KIAA1549L: variants seen among roughly 807,000 people sequenced by gnomAD.
The protein encoded by KIAA1549L is UPF0606 protein KIAA1549L.
In KIAA1549L, 88 loss-of-function variants were observed where a neutral mutation model predicts 160.7. That is an observed-to-expected ratio of 0.55 (90% confidence interval 0.46 to 0.65). The LOEUF is 0.65. KIAA1549L is among the 30% of genes least tolerant of loss of function. The pLI is 0.00. For missense variants in KIAA1549L, 2,258 were observed against 2,437.5 expected (o/e 0.93, Z 1.55); for synonymous variants, 950 against 976.7 (o/e 0.97, Z 0.51).
chr11:33,502,372 T>C (rs1337583151), intron 1 of KIAA1549L, among the ~76,000 whole-genome samples: 1 of 152,318 alleles, frequency 6.6e-6, no homozygotes, highest in East Asian at 1.9e-4. Context: ...CGAAAGCTTT[T>C]AACACCTCTC....
At chr11:33,419,349 A>G (rs1188571792) in intron 1 of KIAA1549L, among the ~76,000 whole-genome samples, 2 of 152,156 alleles carry the variant, frequency 1.3e-5, no homozygotes, top group African/African-American at 4.8e-5. Flanking sequence ...TTATCAGCCA[A>G]TCTTTATACT....
intron 1 of KIAA1549L, among the ~76,000 whole-genome samples, chr11:33,394,930 C>T (rs1850343835): frequency 1.3e-5 from 2 of 152,192 alleles, no homozygotes; most frequent in Non-Finnish European, 2.9e-5. Flanking sequence ...ATTCTGTGCA[C>T]ATTCCATGGG....
In KIAA1549L at chr11:33,618,744, G is replaced by C. The variant is rs1025322928; in HGVS notation, c.5409+82G>C. The C allele has an allele frequency of 1.4e-4, 178 of 1,242,014 alleles. 2 individuals carry two copies. The highest frequency in any genetic ancestry group is 5.4e-4 in the Middle Eastern group (2 of 3,710). The allele number at this position is 1,242,014 out of a possible 1,614,324, so 76.9% of individuals were successfully genotyped here. ...GGATAGGGCATCCCACTGTGTTTTGGTTTACCACATATTTGTGGAATTTTA... is the reference window on the plus strand; with the variant it reads ...GGATAGGGCATCCCACTGTGTTTTGCTTTACCACATATTTGTGGAATTTTA... On this transcript the variant is annotated intron_variant, in intron 16 of 20. Coordinates refer to ENST00000658780, the MANE Select transcript of KIAA1549L (RefSeq NM_012194.3).
chr11:33,474,928 G>A (rs1852253330), intron 1 of KIAA1549L, among the ~76,000 whole-genome samples: 1 of 152,302 alleles, frequency 6.6e-6, no homozygotes, highest in South Asian at 2.1e-4. Flanking sequence ...TAATTAAGGA[G>A]GGCTGCAATA....
At position 33,407,208 on chromosome 11, in the gene KIAA1549L, C is replaced by T. The variant is rs527611474; in HGVS notation, c.238+30319C>T. ...CACGCCATTCTCCTGCCTCAGCCTC[C>T]CGAGTAGCTGGGACTACAGGCGCCT... On this transcript the variant is annotated intron_variant, in intron 1 of 20. Transcript: ENST00000658780. Among the ~76,000 whole-genome samples, 71 of 151,104 alleles carry T rather than the reference C, an allele frequency of 4.7e-4. 1 individual carries two copies. In the South Asian group the frequency reaches 0.013, roughly 27 times the overall value.
At chr11:33,593,424 G>T (rs1850114884) in intron 12 of KIAA1549L, among the ~76,000 whole-genome samples, 1 of 152,202 alleles carries the variant, frequency 6.6e-6, no homozygotes, top group Admixed American at 6.5e-5. Context: ...GGATGACAGA[G>T]TGAGGGCTTG....
chr11:33,459,210 A>G (rs1051846566), intron 1 of KIAA1549L, among the ~76,000 whole-genome samples: 1 of 152,220 alleles, frequency 6.6e-6, no homozygotes, highest in Non-Finnish European at 1.5e-5. Context: ...TAGCCCAGAC[A>G]CTGCTGTTTT....
intron 1 of KIAA1549L, among the ~76,000 whole-genome samples, chr11:33,379,206 G>C (rs1008690108): frequency 2.6e-5 from 4 of 152,172 alleles, no homozygotes; most frequent in Non-Finnish European, 5.9e-5. Context: ...ACATAGATTT[G>C]TTTCTGGAAA....
intron 1 of KIAA1549L, among the ~76,000 whole-genome samples, chr11:33,478,735 A>T (rs1852346132): frequency 6.6e-6 from 1 of 152,082 alleles, no homozygotes; most frequent in African/African-American, 2.4e-5. Context: ...TTATTTTTTT[A>T]AATTATTATT....
At chr11:33,406,112 T>C (rs1850645408) in intron 1 of KIAA1549L, among the ~76,000 whole-genome samples, 1 of 152,206 alleles carries the variant, frequency 6.6e-6, no homozygotes, top group Non-Finnish European at 1.5e-5. Flanking sequence ...GCCACTGTGA[T>C]GAGCCTCCCT....
intron 1 of KIAA1549L, among the ~76,000 whole-genome samples, chr11:33,445,462 G>A (rs990072135): frequency 6.6e-6 from 1 of 152,212 alleles, no homozygotes; most frequent in Admixed American, 6.5e-5. Context: ...GTTATTGAAA[G>A]GATTTGTAAT....
intron 17 of KIAA1549L, among the ~76,000 whole-genome samples, chr11:33,652,669 A>G (rs1245598135): frequency 6.6e-6 from 1 of 152,226 alleles, no homozygotes; most frequent in Non-Finnish European, 1.5e-5. Context: ...GCCAGAAGAG[A>G]GAAGAGGGGC....
intron 19 of KIAA1549L, among the ~76,000 whole-genome samples, 162 bp from the exon 20 acceptor site, chr11:33,660,701 C>T (rs878916060): frequency 2.0e-5 from 3 of 152,254 alleles, no homozygotes; most frequent in South Asian, 4.1e-4. Context: ...GCAAATGTTA[C>T]AGCCCAGAGC....
chr11:33,629,580 C>T (rs937911838), intron 16 of KIAA1549L, among the ~76,000 whole-genome samples: 5 of 151,666 alleles, frequency 3.3e-5, no homozygotes, highest in East Asian at 3.9e-4. Flanking sequence ...TTGATCACAT[C>T]GGCTCCTGAG....
At position 33,543,730 on chromosome 11, in the gene KIAA1549L, G is replaced by A. The variant is rs1055762211; in HGVS notation, c.2167G>A (p.Asp723Asn). Residue 723 changes from aspartate (D) to asparagine (N), a missense_variant, in exon 2 of 21, where the codon GAT becomes AAT. Physicochemically the swap from Asp to Asn is conservative, Grantham distance 23. Transcript: ENST00000658780. ...TGGCTTGCAGCAGCAAACAAATTAT[G>A]ATTTAAATGGACACACAATTAGCAC... ...ISGLQQQTNYDLNGHTISTTS... is the reference protein window; with the variant it reads ...ISGLQQQTNYNLNGHTISTTS... 2 of 1,614,004 alleles carry A rather than the reference G, an allele frequency of 1.2e-6. No individual in the cohort carries two copies. The highest frequency in any genetic ancestry group is 1.7e-6 in the Non-Finnish European group (2 of 1,179,892).
intron 1 of KIAA1549L, among the ~76,000 whole-genome samples, chr11:33,494,870 ATGAT>A (rs1852777959): frequency 6.6e-6 from 1 of 152,174 alleles, no homozygotes; most frequent in African/African-American, 2.4e-5. Flanking sequence ...GGTCCATGCT[ATGAT>A]TGATTTATTT....
At chr11:33,449,333 A>T (rs542009810) in intron 1 of KIAA1549L, among the ~76,000 whole-genome samples, 3 of 151,358 alleles carry the variant, frequency 2.0e-5, no homozygotes, top group Admixed American at 1.3e-4. Context: ...TTTAGTGTCT[A>T]TTATGGTGGA....
chr11:33,485,370 C>T (rs1456473159), intron 1 of KIAA1549L, among the ~76,000 whole-genome samples: 1 of 152,070 alleles, frequency 6.6e-6, no homozygotes, highest in Non-Finnish European at 1.5e-5. Context: ...TTTTGACATT[C>T]CAAAAGATGT....
At chr11:33,516,766 A>G (rs1195881355) in intron 1 of KIAA1549L, among the ~76,000 whole-genome samples, 6 of 152,208 alleles carry the variant, frequency 3.9e-5, no homozygotes, top group African/African-American at 1.4e-4. Flanking sequence ...AGAATTGGCA[A>G]CTTTTTTTTT....
Sources: gnomAD v4.1 joint callset for allele counts (sites outside exome capture counted in the v4.1 genomes callset) on GRCh38, gnomAD v4.1.1 for gene constraint, MANE v1.5 for transcripts, NCBI Gene and HGNC (gene_info 2026-07-23, HGNC 2026-07-21) for gene names.